MRO: variants seen among roughly 807,000 people sequenced by gnomAD.
MRO encodes the protein protein maestro.
In MRO, 28 loss-of-function variants were observed where a neutral mutation model predicts 31.0. The observed-to-expected ratio is 0.90, with a 90% CI of 0.67 to 1.24. MRO has a LOEUF of 1.24. MRO is among the 50% of genes most tolerant of loss of function. The pLI, the probability that MRO is intolerant of heterozygous loss-of-function variation, is 0.00. For missense variants in MRO, 332 were observed against 289.2 expected, an observed-to-expected ratio of 1.15 and a Z score of -1.07; for synonymous variants, 108 against 108.4, an observed-to-expected ratio of 1.00 and a Z score of 0.02.
intron 5 of MRO, among the ~76,000 whole-genome samples, chr18:50,802,686 T>C (rs576894759): frequency 1.3e-5 from 2 of 152,092 alleles, no homozygotes; most frequent in Non-Finnish European, 2.9e-5. Flanking sequence ...ACATGATGCA[T>C]ACAGAAATTG....
At chr18:50,808,966 T>C (rs181945572) in intron 3 of MRO, among the ~76,000 whole-genome samples, 2,955 of 150,058 alleles carry the variant, frequency 0.02, 98 homozygotes, top group African/African-American at 0.067. Context: ...TGAAACCCCG[T>C]CTCTACTAAA....
At chr18:50,819,049 T>A (rs1394993019) in intron 2 of MRO, among the ~76,000 whole-genome samples, 4 of 151,204 alleles carry the variant, frequency 2.6e-5, no homozygotes, top group Non-Finnish European at 5.9e-5. Context: ...CAAGACCCTG[T>A]CTCAAAAAAA....
In MRO at chr18:50,813,095, C is replaced by T. The variant is rs1914603212; in HGVS notation, c.-4-3691G>A. 2.0e-5 allele frequency among the ~76,000 whole-genome samples: 3 copies of T among 152,210 alleles called. No individual in the cohort carries two copies. In the South Asian group the frequency reaches 6.2e-4, roughly 32 times the overall value. On this transcript the variant is annotated intron_variant, in intron 2 of 7. Coordinates refer to ENST00000398439, the MANE Select transcript of MRO (RefSeq NM_031939.6). The stretch of plus-strand genomic sequence containing the variant: ...AACAGCTGTACTTTGGAACATTTGA[C>T]TCACTTGATCTGGAGGTGCATGGGG...
intron 2 of MRO, among the ~76,000 whole-genome samples, chr18:50,811,746 C>CT (rs71171344): frequency 0.057 from 4,543 of 80,194 alleles, 308 homozygotes; most frequent in South Asian, 0.092. Flanking sequence ...TGTGGTAATT[C>CT]TTTTTTTTTT....
rs184328358 is a variant in MRO at position 50,819,653 on chromosome 18, G to C, written c.-77C>G. On this transcript the variant is annotated 5_prime_UTR_variant, in exon 2 of 8. Coordinates refer to ENST00000398439, the MANE Select transcript of MRO (RefSeq NM_031939.6). ...CTGACTCGGGAGGGCTGCTTTCCCG[G>C]GTAGTAGCCAAATGTGATGACTCGG... is the stretch of plus-strand genomic sequence containing the variant. 1.9e-4 allele frequency: 289 copies of C among 1,551,514 alleles called. 2 individuals are homozygous for C. The highest frequency in any genetic ancestry group is 2.6e-5 in the Non-Finnish European group (30 of 1,146,924).
chr18:50,818,001 G>A (rs4940024), intron 2 of MRO, among the ~76,000 whole-genome samples: 5 of 127,636 alleles, frequency 3.9e-5, no homozygotes, highest in Admixed American at 8.0e-5. Context: ...CCCACCCCCC[G>A]CCCCATGCCC....
chr18:50,806,779 A>T lies in MRO; in HGVS notation c.171T>A (p.Ala57=). 6.2e-7 allele frequency: 1 copy of T among 1,614,066 alleles called. No homozygotes were observed. Among genetic ancestry groups the T allele is most frequent in the South Asian group, 1.1e-5 (1 of 91,074 alleles). Residue 57 remains alanine (A), a synonymous_variant, in exon 4 of 8, where the codon GCT becomes GCA. Coordinates refer to ENST00000398439, the MANE Select transcript of MRO (RefSeq NM_031939.6). ...GACGCTTTTTAGCACTGGGGTCCCGAGCTCTTTCTGCCAAGATGAAAAACA... is the reference window on the plus strand; with the variant it reads ...GACGCTTTTTAGCACTGGGGTCCCGTGCTCTTTCTGCCAAGATGAAAAACA... ...KNVFFILAER[A]RDPSAKKRHM... is the part of the protein sequence containing the mutation.
At chr18:50,810,494 A>G (rs1203745384) in intron 2 of MRO, among the ~76,000 whole-genome samples, 1 of 152,258 alleles carries the variant, frequency 6.6e-6, no homozygotes, top group African/African-American at 2.4e-5. Flanking sequence ...AAAATACACA[A>G]GAAACATTAA....
Position 50,801,409 on chromosome 18 carries a change from A to G in MRO, c.525T>C (p.Val175=). ...RKWKKFFTSQ[V]KQTRDSLLIH... is the part of the protein sequence containing the mutation. ...TCAGGAGGGAATCTCGTGTCTGCTTAACCTGACTGGTGAAAAATTTTTTCC... is the reference window on the plus strand; with the variant it reads ...TCAGGAGGGAATCTCGTGTCTGCTTGACCTGACTGGTGAAAAATTTTTTCC... Residue 175 remains valine, a synonymous_variant, in exon 6 of 8, where the codon GTT becomes GTC. Coordinates refer to ENST00000398439, the MANE Select transcript of MRO (RefSeq NM_031939.6). 1 of 1,611,712 alleles carries G rather than the reference A, an allele frequency of 6.2e-7. No individual in the cohort carries two copies. The highest frequency in any genetic ancestry group is 8.5e-7 in the Non-Finnish European group (1 of 1,178,372).
intron 2 of MRO, among the ~76,000 whole-genome samples, chr18:50,813,973 T>C (rs976332734): frequency 6.6e-6 from 1 of 152,310 alleles, no homozygotes; most frequent in African/African-American, 2.4e-5. Context: ...CCCACACATG[T>C]ACCCCTGAAA....
intron 3 of MRO, among the ~76,000 whole-genome samples, chr18:50,807,466 A>G (rs765965824): frequency 1.2e-4 from 19 of 152,204 alleles, no homozygotes; most frequent in Non-Finnish European, 2.8e-4. Context: ...TTAGCAAAGC[A>G]TATCTGCAAA....
chr18:50,820,459 A>G (rs74598971), upstream of MRO, among the ~76,000 whole-genome samples: 154 of 152,360 alleles, frequency 1.0e-3, 2 homozygotes, highest in East Asian at 0.017. Context: ...TTTAACAATA[A>G]TTAGTTATCG....
In MRO at chr18:50,795,555, T is replaced by C. The variant is rs1360396035; in HGVS notation, c.*3782A>G. On this transcript the variant is annotated 3_prime_UTR_variant, in exon 8 of 8. Coordinates refer to ENST00000398439, the MANE Select transcript of MRO (RefSeq NM_031939.6). ...TTCACAGGCTTCTGCTCTCATTCAG[T>C]AGCAGAATTGGTCACACCTGTTAGA... is the stretch of plus-strand genomic sequence containing the variant. 6.6e-6 allele frequency: 1 copy of C among 152,228 alleles called. No homozygotes were observed. The highest frequency in any genetic ancestry group is 2.4e-5 in the African/African-American group (1 of 41,464). The allele number at this position is 152,228 out of a possible 1,614,324, so 9.4% of individuals were successfully genotyped here.
In MRO at chr18:50,801,419, G is replaced by A. The variant is rs763757269; in HGVS notation, c.515C>T (p.Thr172Ile). Reference protein sequence around the residue: ...FAGRKWKKFFTSQVKQTRDSL... With the variant: ...FAGRKWKKFFISQVKQTRDSL... ...ATCTCGTGTCTGCTTAACCTGACTG[G>A]TGAAAAATTTTTTCCATTTCCTCCC... Residue 172 changes from threonine to isoleucine, a missense_variant, in exon 6 of 8, where the codon ACC becomes ATC. Physicochemically the swap from Thr to Ile is moderately conservative, Grantham distance 89 (BLOSUM62 -1). Transcript: ENST00000398439. 13 of 1,611,046 alleles carry A rather than the reference G, an allele frequency of 8.1e-6. No homozygotes were observed. The highest frequency in any genetic ancestry group is 1.1e-5 in the Non-Finnish European group (13 of 1,178,054).
At chr18:50,818,775 C>T (rs1221587991) in intron 2 of MRO, among the ~76,000 whole-genome samples, 2 of 152,076 alleles carry the variant, frequency 1.3e-5, no homozygotes, top group Admixed American at 1.3e-4. Context: ...TAGTAGGCTG[C>T]GTGTGGTGGC....
upstream of MRO, among the ~76,000 whole-genome samples, chr18:50,824,448 T>C (rs1915425618): frequency 6.8e-6 from 1 of 146,848 alleles, no homozygotes; most frequent in African/African-American, 2.5e-5. Context: ...CTTTTCTTTT[T>C]TTTTTTCTTT....
chr18:50,809,137 T>C (rs1422472605), intron 3 of MRO, among the ~76,000 whole-genome samples, 165 bp downstream of exon 3: 2 of 74,462 alleles, frequency 2.7e-5, no homozygotes, highest in Non-Finnish European at 3.0e-5. Context: ...AGAGCGAGAC[T>C]CCGTCTCAAA....
chr18:50,815,072 T>C (rs1185744008), intron 2 of MRO: 2 of 190,132 alleles, frequency 1.1e-5, no homozygotes, highest in Non-Finnish European at 2.2e-5. Context: ...AAAATAATAA[T>C]AAAAAATAAA....
rs886756557 is a variant in MRO at position 50,798,511 on chromosome 18, G to C, written c.*826C>G. ...TTGAATTCCAGCTCCACTGTTTACT[G>C]AGTTATCTGGGGAAAGTTACCTAAT... On this transcript the variant is annotated 3_prime_UTR_variant, in exon 8 of 8. Coordinates refer to ENST00000398439, the MANE Select transcript of MRO (RefSeq NM_031939.6). The C allele has an allele frequency of 6.6e-6, 1 of 152,156 alleles. No individual in the cohort carries two copies. The highest frequency in any genetic ancestry group is 6.5e-5 in the Admixed American group (1 of 15,286). The allele number at this position is 152,156 out of a possible 1,614,324, so 9.4% of individuals were successfully genotyped here. A position where few individuals can be genotyped will look rare whatever the true frequency, so the allele number is the denominator to read the frequency against.
Sources: allele counts gnomAD v4.1 joint callset (sites outside exome capture counted in the v4.1 genomes callset), GRCh38; gene constraint gnomAD v4.1.1; transcripts MANE v1.5; gene names NCBI Gene and HGNC (gene_info 2026-07-23, HGNC 2026-07-21).